SGCZ: variants seen among roughly 807,000 people sequenced by gnomAD.
The protein encoded by SGCZ is zeta-sarcoglycan.
In SGCZ, 40 loss-of-function variants were observed where a neutral mutation model predicts 41.3. The observed-to-expected ratio is 0.97, with a 90% CI of 0.75 to 1.26. The LOEUF (loss-of-function observed/expected upper bound fraction) is 1.26. Among genes scored for constraint, SGCZ ranks in the 50% most tolerant of loss-of-function variants. The probability of loss-of-function intolerance (pLI) is 0.00; values close to 1 mark genes in which losing one functional copy is unlikely to be tolerated. For missense variants in SGCZ, 552 were observed against 369.8 expected, an observed-to-expected ratio of 1.49 and a Z score of -4.04; for synonymous variants, 206 against 137.5, an observed-to-expected ratio of 1.50 and a Z score of -3.49.
chr8:14,293,637 A>C (rs1178813825), intron 3 of SGCZ, among the ~76,000 whole-genome samples: 2 of 151,978 alleles, frequency 1.3e-5, no homozygotes, highest in Non-Finnish European at 2.9e-5. Flanking sequence ...TAAAATCTTC[A>C]AACTAGTTAA....
intron 1 of SGCZ, among the ~76,000 whole-genome samples, chr8:15,043,488 AT>A (rs575899360): frequency 3.9e-5 from 6 of 152,220 alleles, no homozygotes; most frequent in African/African-American, 1.4e-4. Flanking sequence ...AGTAAATCAT[AT>A]TTTTCTGATA....
intron 2 of SGCZ, among the ~76,000 whole-genome samples, chr8:14,444,858 AG>A (rs1800387367): frequency 6.6e-6 from 1 of 152,150 alleles, no homozygotes; most frequent in Non-Finnish European, 1.5e-5. Flanking sequence ...CTTAGATCAA[AG>A]TTTTGAAATG....
intron 2 of SGCZ, among the ~76,000 whole-genome samples, chr8:14,402,785 T>G (rs1218588620): frequency 2.0e-5 from 3 of 148,282 alleles, no homozygotes; most frequent in African/African-American, 5.3e-5. Context: ...CTTTTTTGGC[T>G]CCATATGAAC....
chr8:14,823,775 T>C (rs1023492986), intron 1 of SGCZ, among the ~76,000 whole-genome samples: 1 of 152,134 alleles, frequency 6.6e-6, no homozygotes, highest in Admixed American at 6.5e-5. Flanking sequence ...ATACCTGGAG[T>C]TACATGTTTT....
chr8:14,184,320 T>C (rs778821792), intron 4 of SGCZ, among the ~76,000 whole-genome samples: 12 of 152,176 alleles, frequency 7.9e-5, no homozygotes, highest in Non-Finnish European at 1.5e-4. Context: ...CATACACTTA[T>C]GGCCTGGACA....
chr8:14,399,493 T>A (rs1799012322), intron 2 of SGCZ, among the ~76,000 whole-genome samples: 1 of 152,078 alleles, frequency 6.6e-6, no homozygotes, highest in African/African-American at 2.4e-5. Context: ...ATATATAGGT[T>A]CTTTCTCGCT....
intron 5 of SGCZ, among the ~76,000 whole-genome samples, chr8:14,133,276 T>A (rs939122194): frequency 1.3e-5 from 2 of 152,206 alleles, no homozygotes; most frequent in Non-Finnish European, 2.9e-5. Context: ...CTCCACAATG[T>A]TTGCTCCTGA....
At chr8:15,010,950 C>A (rs1264298511) in intron 1 of SGCZ, among the ~76,000 whole-genome samples, 1 of 152,114 alleles carries the variant, frequency 6.6e-6, no homozygotes, top group African/African-American at 2.4e-5. Flanking sequence ...AAACTTCTGC[C>A]CTGGCTTCAA....
intron 2 of SGCZ, among the ~76,000 whole-genome samples, chr8:14,366,262 A>G (rs1803704217): frequency 6.6e-6 from 1 of 152,178 alleles, no homozygotes; most frequent in South Asian, 2.1e-4. Flanking sequence ...GGGAAGCCTC[A>G]GGAAACTTAC....
chr8:14,622,343 G>A (rs1466658310), intron 1 of SGCZ, among the ~76,000 whole-genome samples: 1 of 152,082 alleles, frequency 6.6e-6, no homozygotes, highest in Non-Finnish European at 1.5e-5. Context: ...GAGTTTCTTG[G>A]GGTCAGGACT....
chr8:14,617,749 A>G (rs572482623), intron 1 of SGCZ, among the ~76,000 whole-genome samples: 3 of 152,270 alleles, frequency 2.0e-5, no homozygotes, highest in Admixed American at 2.0e-4. Context: ...AGACATGGAA[A>G]TAAAGTAGGG....
At chr8:15,113,309 T>G (rs2116933728) in intron 1 of SGCZ, among the ~76,000 whole-genome samples, 1 of 152,320 alleles carries the variant, frequency 6.6e-6, no homozygotes, top group South Asian at 2.1e-4. Flanking sequence ...AGCCCTAATT[T>G]TACTTCATCT....
intron 2 of SGCZ, among the ~76,000 whole-genome samples, chr8:14,411,873 C>T (rs768255107): frequency 1.8e-4 from 27 of 151,982 alleles, no homozygotes; most frequent in African/African-American, 5.8e-4. Context: ...TTTGATGGAA[C>T]GGAAGGAGAA....
intron 2 of SGCZ, among the ~76,000 whole-genome samples, chr8:14,408,957 G>A (rs1194909034): frequency 1.7e-5 from 2 of 120,892 alleles, no homozygotes; most frequent in Non-Finnish European, 3.4e-5. Context: ...AAGAGAGTGT[G>A]TGTGTGTGTG....
At chr8:15,049,031 G>C (rs1804418231) in intron 1 of SGCZ, among the ~76,000 whole-genome samples, 1 of 152,132 alleles carries the variant, frequency 6.6e-6, no homozygotes, top group Non-Finnish European at 1.5e-5. Flanking sequence ...TCAGTATCCT[G>C]AGAAATCATT....
chr8:14,274,322 G>A (rs1800160357), intron 3 of SGCZ, among the ~76,000 whole-genome samples: 1 of 152,078 alleles, frequency 6.6e-6, no homozygotes, highest in South Asian at 2.1e-4. Context: ...CAATCTTTTA[G>A]CACTGTTAAG....
chr8:14,916,268 C>A (rs1242534640), intron 1 of SGCZ, among the ~76,000 whole-genome samples: 1 of 152,170 alleles, frequency 6.6e-6, no homozygotes, highest in African/African-American at 2.4e-5. Flanking sequence ...GTAACTCAAA[C>A]ATAGCAGCAG....
intron 2 of SGCZ, among the ~76,000 whole-genome samples, chr8:14,363,368 T>C (rs1373940991): frequency 6.6e-6 from 1 of 152,158 alleles, no homozygotes; most frequent in African/African-American, 2.4e-5. Context: ...GGTCTAGAGA[T>C]GACATCTTTC....
chr8:14,603,696 G>A (rs6984448), intron 1 of SGCZ, among the ~76,000 whole-genome samples: 3 of 152,132 alleles, frequency 2.0e-5, no homozygotes, highest in African/African-American at 7.2e-5. Flanking sequence ...CACTTTCACT[G>A]ATAGCAGTTA....
Sources: allele counts gnomAD v4.1 joint callset (sites outside exome capture counted in the v4.1 genomes callset), GRCh38; gene constraint gnomAD v4.1.1; transcripts MANE v1.5; gene names NCBI Gene and HGNC (gene_info 2026-07-23, HGNC 2026-07-21).